NREP: variants seen among roughly 807,000 people sequenced by gnomAD.
NREP encodes neuronal regeneration related protein, also known as neuronal regeneration-related protein.
Under a neutral mutation model 8.6 loss-of-function variants are expected in NREP, and 5 were observed. The ratio of observed to expected loss-of-function variants is 0.58; its 90% CI spans 0.30 to 1.22. The LOEUF (loss-of-function observed/expected upper bound fraction) is 1.22, where lower values mean the gene tolerates loss of function less well. NREP is among the 50% of genes most tolerant of loss of function. The probability of loss-of-function intolerance (pLI) is 0.07; values close to 1 mark genes in which losing one functional copy is unlikely to be tolerated. For missense variants in NREP, 86 were observed against 82.5 expected, an observed-to-expected ratio of 1.04 and a Z score of -0.17; for synonymous variants, 27 against 28.0, an observed-to-expected ratio of 0.96 and a Z score of 0.11.
intron 2 of NREP, among the ~76,000 whole-genome samples, chr5:111,929,500 C>A: frequency 6.6e-6 from 1 of 152,160 alleles, no homozygotes; most frequent in South Asian, 2.1e-4. Context: ...ACCACATGTT[C>A]TAAAGCTTGT....
intron 2 of NREP, among the ~76,000 whole-genome samples, chr5:111,812,305 A>G (rs958323510): frequency 2.6e-5 from 4 of 152,058 alleles, no homozygotes; most frequent in African/African-American, 9.7e-5. Flanking sequence ...AAACAAACAA[A>G]CAAACAAACA....
At chr5:111,901,656 C>A (rs1035461688) in intron 2 of NREP, among the ~76,000 whole-genome samples, 3 of 152,014 alleles carry the variant, frequency 2.0e-5, no homozygotes, top group African/African-American at 7.2e-5. Context: ...AGTAGTGTTT[C>A]TAGACACTAA....
At position 111,770,081 on chromosome 5, in the gene NREP, G is replaced by A. The variant is rs1033209149; in HGVS notation, c.136-34574C>T. Among the ~76,000 whole-genome samples, 5 of 152,186 alleles carry A rather than the reference G, an allele frequency of 3.3e-5. No homozygotes were observed. In the South Asian group the frequency reaches 1.0e-3, roughly 32 times the overall value. ...CAAGAGGAAAGAACAATCAATATAA[G>A]ATCAGAAAATTAGACATTCTAGTTT... On this transcript the variant is annotated intron_variant, in intron 2 of 3. Coordinates refer to the NREP transcript ENST00000395634.
intron 2 of NREP, among the ~76,000 whole-genome samples, chr5:111,941,972 T>A (rs1447924437): frequency 6.6e-6 from 1 of 152,056 alleles, no homozygotes; most frequent in African/African-American, 2.4e-5. Flanking sequence ...GACTCTGAAT[T>A]AGATTTTTGG....
chr5:111,894,519 C>T (rs536071546), intron 2 of NREP, among the ~76,000 whole-genome samples: 2 of 151,954 alleles, frequency 1.3e-5, no homozygotes, highest in East Asian at 3.9e-4. Flanking sequence ...AGACTCCTAT[C>T]ATTTTCTCTA....
intron 2 of NREP, among the ~76,000 whole-genome samples, chr5:111,887,729 G>A (rs1490588424): frequency 1.3e-5 from 2 of 152,130 alleles, no homozygotes; most frequent in Non-Finnish European, 2.9e-5. Context: ...CAGGAAACTC[G>A]AACTTTAAAA....
At chr5:111,930,393 T>G (rs2112596795) in intron 2 of NREP, among the ~76,000 whole-genome samples, 1 of 152,308 alleles carries the variant, frequency 6.6e-6, no homozygotes, top group East Asian at 1.9e-4. Context: ...CGAATTTAGT[T>G]TAATCTCTAA....
intron 2 of NREP, among the ~76,000 whole-genome samples, chr5:111,902,144 T>C (rs1010052267): frequency 1.3e-5 from 2 of 151,932 alleles, no homozygotes; most frequent in African/African-American, 4.8e-5. Context: ...AATTAATCTA[T>C]ATATTTTCAG....
intron 2 of NREP, among the ~76,000 whole-genome samples, chr5:111,831,028 T>A (rs562860082): frequency 1.1e-4 from 17 of 152,144 alleles, no homozygotes; most frequent in African/African-American, 3.9e-4. Context: ...AACGCTAGTT[T>A]AAATCAGCCA....
At chr5:111,810,836 A>G (rs980115319) in intron 2 of NREP, among the ~76,000 whole-genome samples, 2 of 152,182 alleles carry the variant, frequency 1.3e-5, no homozygotes, top group Non-Finnish European at 2.9e-5. Flanking sequence ...TGAGTCCTAT[A>G]ATTACTTTTC....
chr5:111,931,882 G>A (rs1439274171), intron 2 of NREP, among the ~76,000 whole-genome samples: 3 of 151,958 alleles, frequency 2.0e-5, no homozygotes, highest in Non-Finnish European at 4.4e-5. Flanking sequence ...TCCGAAAAAG[G>A]AGACAACAGT....
intron 2 of NREP, among the ~76,000 whole-genome samples, chr5:111,918,330 T>C (rs1014816563): frequency 1.3e-5 from 2 of 152,168 alleles, no homozygotes; most frequent in Non-Finnish European, 2.9e-5. Flanking sequence ...TACCACTGAC[T>C]TTCCTCACAG....
At chr5:111,972,059 T>C (rs1359066266) in intron 2 of NREP, among the ~76,000 whole-genome samples, 1 of 152,040 alleles carries the variant, frequency 6.6e-6, no homozygotes, top group Non-Finnish European at 1.5e-5. Context: ...AATAACCCTA[T>C]TTAAAAATGA....
At chr5:111,965,063 G>T (rs991108591) in intron 2 of NREP, among the ~76,000 whole-genome samples, 1 of 151,878 alleles carries the variant, frequency 6.6e-6, no homozygotes, top group Non-Finnish European at 1.5e-5. Context: ...CATCCTTAGG[G>T]TCTCTCTCAC....
chr5:111,956,417 A>G (rs116806452), intron 2 of NREP, among the ~76,000 whole-genome samples: 3 of 152,284 alleles, frequency 2.0e-5, no homozygotes, highest in African/African-American at 7.2e-5. Flanking sequence ...TAAAAAGCTC[A>G]AAGAATTAAA....
chr5:111,960,921 A>G (rs986306741), intron 2 of NREP, among the ~76,000 whole-genome samples: 4 of 152,250 alleles, frequency 2.6e-5, no homozygotes, highest in African/African-American at 2.4e-5. Flanking sequence ...TAAAAAATCA[A>G]TCTATGAGCC....
chr5:111,768,774 G>A (rs1030101455), intron 2 of NREP, among the ~76,000 whole-genome samples: 7 of 152,106 alleles, frequency 4.6e-5, no homozygotes, highest in African/African-American at 1.4e-4. Flanking sequence ...TGATGGGCAC[G>A]TAGGTTGAGT....
At position 111,777,011 on chromosome 5, in the gene NREP, AGGTGG is replaced by A. The variant is rs1751378790; in HGVS notation, c.136-41509_136-41505del. Reference sequence around the variant, plus strand: ...AGGATGAGGAGGAGGAGGAGGAAGGAGGTGGAGGAGGAGGAGGAAGGAGGTGGAGG... The same window carrying A: ...AGGATGAGGAGGAGGAGGAGGAAGGAAGGAGGAGGAGGAAGGAGGTGGAGG... On this transcript the variant is annotated intron_variant, in intron 2 of 3. Coordinates refer to the NREP transcript ENST00000395634. 4.2e-5 allele frequency among the ~76,000 whole-genome samples: 3 copies of A among 71,852 alleles called. 1 individual carries two copies. The highest frequency in any genetic ancestry group is 1.4e-3 in the South Asian group (2 of 1,424). The allele number at this position is 71,852 out of a possible 152,430, so 47.1% of individuals were successfully genotyped here. A position where few individuals can be genotyped will look rare whatever the true frequency, so the allele number is the denominator to read the frequency against.
Position 111,730,825 on chromosome 5 carries a change from A to G in NREP, c.*96T>C. 1 of 1,386,628 alleles carries G rather than the reference A, an allele frequency of 7.2e-7. No homozygotes were observed. Among genetic ancestry groups the G allele is most frequent in the Non-Finnish European group, 9.9e-7 (1 of 1,008,986 alleles). 85.9% of individuals were successfully genotyped at this position (1,386,628 alleles called of 1,614,324 possible). A position where few individuals can be genotyped will look rare whatever the true frequency, so the allele number is the denominator to read the frequency against. Reference sequence around the variant, plus strand: ...GCTCAGAGTCCCATAGTTTCTTCTTATACTTGATGATTTACACAGAAAAAA... The same window carrying G: ...GCTCAGAGTCCCATAGTTTCTTCTTGTACTTGATGATTTACACAGAAAAAA... On this transcript the variant is annotated 3_prime_UTR_variant, in exon 4 of 4. Transcript: ENST00000257435.
Sources: gnomAD v4.1 joint callset for allele counts (sites outside exome capture counted in the v4.1 genomes callset) on GRCh38, gnomAD v4.1.1 for gene constraint, MANE v1.5 for transcripts, NCBI Gene and HGNC (gene_info 2026-07-23, HGNC 2026-07-21) for gene names.